SRGAP2C: variants seen among roughly 807,000 people sequenced by gnomAD.
The protein encoded by SRGAP2C is SLIT-ROBO Rho GTPase activating protein 2C.
A neutral mutation model predicts 25.1 loss-of-function variants in SRGAP2C; 15 were observed. The ratio of observed to expected loss-of-function variants is 0.60; its 90% CI spans 0.40 to 0.92. SRGAP2C has a LOEUF of 0.92. Among genes scored for constraint, SRGAP2C ranks in the 40% least tolerant of loss-of-function variants. The pLI is 0.00. For missense variants in SRGAP2C, 144 were observed against 264.4 expected (o/e 0.54, Z 3.16); for synonymous variants, 44 against 96.6 (o/e 0.46, Z 3.19).
chr1:121,321,900 A>C (rs1553341169), intron 3 of SRGAP2C, among the ~76,000 whole-genome samples: 17 of 151,254 alleles, frequency 1.1e-4, no homozygotes, highest in South Asian at 8.4e-4. Flanking sequence ...TTTTGATCTG[A>C]GGTCTACCTT....
At chr1:121,255,387 GT>G (rs1656435131) in intron 2 of SRGAP2C, among the ~76,000 whole-genome samples, 1 of 151,808 alleles carries the variant, frequency 6.6e-6, no homozygotes, top group Admixed American at 6.6e-5. Flanking sequence ...TGTAGACGTT[GT>G]GGGACCAGGA....
intron 2 of SRGAP2C, among the ~76,000 whole-genome samples, chr1:121,221,710 CAAAAAAAAAAA>C (rs782207301): frequency 4.6e-5 from 1 of 21,630 alleles, no homozygotes; most frequent in Non-Finnish European, 7.3e-5. Context: ...GACAACGTCT[CAAAAAAAAAAA>C]AAAAAAAAAA....
At chr1:121,370,511 G>T (rs1290783103) in intron 5 of SRGAP2C, among the ~76,000 whole-genome samples, 5 of 133,494 alleles carry the variant, frequency 3.7e-5, no homozygotes, top group African/African-American at 1.4e-4. Flanking sequence ...GCGTGATCTC[G>T]GCTCACTGCA....
intron 3 of SRGAP2C, among the ~76,000 whole-genome samples, chr1:121,303,138 TATA>T (rs1276152090): frequency 7.5e-5 from 9 of 119,660 alleles, no homozygotes; most frequent in Admixed American, 6.3e-4. Context: ...TAGCATCCAT[TATA>T]ATTTCTTGCT....
At chr1:121,192,036 G>A (rs587712966) in intron 2 of SRGAP2C, among the ~76,000 whole-genome samples, 86 of 151,632 alleles carry the variant, frequency 5.7e-4, no homozygotes, top group African/African-American at 2.0e-3. Flanking sequence ...AACCCTTTCA[G>A]GACCCTTCAA....
At chr1:121,222,522 G>A (rs1553325854) in intron 2 of SRGAP2C, among the ~76,000 whole-genome samples, 1 of 152,118 alleles carries the variant, frequency 6.6e-6, no homozygotes, top group African/African-American at 2.4e-5. Flanking sequence ...GCAGGTACTT[G>A]GGAGGCTGAG....
intron 2 of SRGAP2C, among the ~76,000 whole-genome samples, chr1:121,202,413 G>C (rs1200113924): frequency 2.7e-5 from 4 of 148,034 alleles, no homozygotes; most frequent in African/African-American, 1.0e-4. Flanking sequence ...CATTTATTTA[G>C]CACCTACTGT....
chr1:121,309,428 T>TC (rs1440224273), intron 3 of SRGAP2C, among the ~76,000 whole-genome samples: 17 of 135,902 alleles, frequency 1.3e-4, no homozygotes, highest in African/African-American at 4.6e-4. Flanking sequence ...ATCATTCCTT[T>TC]TTTTTTTTTA....
Position 121,365,695 on chromosome 1 carries a change from G to A in SRGAP2C, c.486+340G>A, listed in dbSNP as rs1405116636. On this transcript the variant is annotated intron_variant, in intron 5 of 9. Coordinates refer to ENST00000367123, the MANE Select transcript of SRGAP2C (RefSeq NM_001329984.2). ...GGACCCTGAACTAATGGCAAGGAAC[G>A]TAGCCTGCATTGCACTATTAATATG... Among the ~76,000 whole-genome samples the A allele has an allele frequency of 6.5e-5, 6 of 91,996 alleles. 1 individual carries two copies. The highest frequency in any genetic ancestry group is 1.4e-4 in the Non-Finnish European group (6 of 42,754). 60.4% of individuals were successfully genotyped at this position (91,996 alleles called of 152,430 possible). A position where few individuals can be genotyped will look rare whatever the true frequency, so the allele number is the denominator to read the frequency against.
intron 2 of SRGAP2C, among the ~76,000 whole-genome samples, chr1:121,263,532 G>C (rs1161009017): frequency 1.4e-4 from 21 of 147,844 alleles, no homozygotes; most frequent in Non-Finnish European, 2.7e-4. Flanking sequence ...ATAACTTTTT[G>C]AGACATGTAA....
chr1:121,236,580 C>T (rs587698095), intron 2 of SRGAP2C, among the ~76,000 whole-genome samples: 4 of 152,288 alleles, frequency 2.6e-5, no homozygotes, highest in East Asian at 1.9e-4. Context: ...GAAACCCTCC[C>T]TCACCTCATC....
intron 2 of SRGAP2C, among the ~76,000 whole-genome samples, chr1:121,203,351 C>T (rs1553322028): frequency 6.6e-6 from 1 of 150,866 alleles, no homozygotes; most frequent in Admixed American, 6.6e-5. Flanking sequence ...ATTTACAGGG[C>T]ACAAGGCAGT....
intron 2 of SRGAP2C, among the ~76,000 whole-genome samples, chr1:121,272,482 A>G (rs1341411599): frequency 6.6e-6 from 1 of 151,750 alleles, no homozygotes; most frequent in Non-Finnish European, 1.5e-5. Flanking sequence ...ATTGCCTTCA[A>G]GAAGAAATGG....
At chr1:121,339,034 A>G (rs1658585001) in intron 4 of SRGAP2C, among the ~76,000 whole-genome samples, 1 of 151,818 alleles carries the variant, frequency 6.6e-6, no homozygotes, top group Non-Finnish European at 1.5e-5. Context: ...ATTTTGATGT[A>G]TTTCCTTCCA....
chr1:121,368,680 G>A (rs1376349203), intron 5 of SRGAP2C, among the ~76,000 whole-genome samples: 3 of 143,586 alleles, frequency 2.1e-5, no homozygotes, highest in African/African-American at 7.8e-5. Flanking sequence ...GAAGCTGCTT[G>A]CTGTATGCAC....
chr1:121,282,535 C>T (rs1288029376), intron 2 of SRGAP2C, among the ~76,000 whole-genome samples: 1 of 151,036 alleles, frequency 6.6e-6, no homozygotes, highest in Non-Finnish European at 1.5e-5. Flanking sequence ...GCCTTTCCAC[C>T]CTAAAAACGC....
At chr1:121,316,949 G>T (rs1265010728) in intron 3 of SRGAP2C, among the ~76,000 whole-genome samples, 1 of 151,512 alleles carries the variant, frequency 6.6e-6, no homozygotes, top group African/African-American at 2.4e-5. Flanking sequence ...TAACACATGG[G>T]ATGTAAACAA....
At chr1:121,241,763 AG>A (rs587607037) in intron 2 of SRGAP2C, among the ~76,000 whole-genome samples, 607 of 36,854 alleles carry the variant, frequency 0.016, no homozygotes, top group African/African-American at 0.054. Context: ...TGACAGGCAG[AG>A]GTAAGTAGTT....
At position 121,298,219 on chromosome 1, in the gene SRGAP2C, C is replaced by T. The variant is rs1339850017; in HGVS notation, c.260+13224C>T. Among the ~76,000 whole-genome samples the T allele has an allele frequency of 5.3e-5, 8 of 150,484 alleles. No homozygotes were observed. In the East Asian group the frequency reaches 1.4e-3, roughly 26 times the overall value. ...TCTGTAAGGTGTCATATAGTTCAAC[C>T]TTGGTGGGTTACTTTTAGATCCAGG... On this transcript the variant is annotated intron_variant, in intron 3 of 9. Transcript: ENST00000367123.
Sources: allele counts gnomAD v4.1 joint callset (sites outside exome capture counted in the v4.1 genomes callset), GRCh38; gene constraint gnomAD v4.1.1; transcripts MANE v1.5; gene names NCBI Gene and HGNC (gene_info 2026-07-23, HGNC 2026-07-21).